Variants in TCAIM observed in about 807,000 individuals in gnomAD.
The protein encoded by TCAIM is T cell activation inhibitor, mitochondrial.
Under a neutral mutation model 58.6 loss-of-function variants are expected in TCAIM, and 36 were observed. The observed-to-expected ratio is 0.61, with a 90% confidence interval of 0.47 to 0.81. TCAIM has a LOEUF of 0.81. Ranked by LOEUF, TCAIM falls within the 30% of genes least tolerant of loss-of-function variation. TCAIM has a pLI of 0.00. For missense variants in TCAIM, 466 were observed against 579.6 expected (o/e 0.80, Z 2.01); for synonymous variants, 172 against 193.6 (o/e 0.89, Z 0.93).
At chr3:44,338,765 C>T (rs1009725812), upstream of TCAIM, 5 of 152,316 alleles carry the variant, frequency 3.3e-5, no homozygotes, top group Admixed American at 1.3e-4. Context: ...GACTGTCCTC[C>T]CTTCTGGTGT....
intron 5 of TCAIM, among the ~76,000 whole-genome samples, chr3:44,370,830 C>T (rs1320720282): frequency 6.7e-6 from 1 of 150,282 alleles, no homozygotes; most frequent in Non-Finnish European, 1.5e-5. Context: ...CAGCCTCAAA[C>T]TCCTGGGCTC....
intron 5 of TCAIM, among the ~76,000 whole-genome samples, chr3:44,384,134 C>G (rs75284635): frequency 2.6e-5 from 4 of 152,118 alleles, no homozygotes; most frequent in Admixed American, 6.5e-5. Flanking sequence ...GGACTTCTCA[C>G]CCTTGAAAAC....
At chr3:44,357,311 A>C (rs1212209198) in intron 2 of TCAIM, among the ~76,000 whole-genome samples, 2 of 152,064 alleles carry the variant, frequency 1.3e-5, no homozygotes, top group African/African-American at 4.8e-5. Context: ...ACACCGCTGC[A>C]CTCCAGCCTG....
rs778246786 is a variant in TCAIM, at chr3:44,367,485, A to G, written c.349A>G (p.Thr117Ala). The G allele has an allele frequency of 1.2e-6, 2 of 1,613,070 alleles. No individual in the cohort carries two copies. Among genetic ancestry groups the G allele is most frequent in the Non-Finnish European group, 1.7e-6 (2 of 1,179,266 alleles). ...TCGAGCAGTCAAATTTACTTTGCAC[A>G]CCAGAGATCTGCTAAGCACAGTGTT... ...GFRAVKFTLH[T>A]RDLLSTVLYI... is the part of the protein sequence containing the mutation. The change falls in exon 5 of 11, where the codon ACC becomes GCC. Residue 117 changes from threonine to alanine, a missense_variant. Coordinates refer to ENST00000342649, the MANE Select transcript of TCAIM (RefSeq NM_173826.4).
intron 5 of TCAIM, among the ~76,000 whole-genome samples, chr3:44,369,689 T>G (rs1220985929): frequency 6.6e-6 from 1 of 152,238 alleles, no homozygotes; most frequent in Non-Finnish European, 1.5e-5. Context: ...TTCCTTAGTC[T>G]TTAGTAAAAG....
At chr3:44,406,809 A>C (rs1702108643) in intron 10 of TCAIM, among the ~76,000 whole-genome samples, 2 of 152,176 alleles carry the variant, frequency 1.3e-5, no homozygotes, top group Non-Finnish European at 2.9e-5. Flanking sequence ...TTATCAAAAC[A>C]CTGTATCCCT....
At chr3:44,371,117 G>A (rs1195885548) in intron 5 of TCAIM, among the ~76,000 whole-genome samples, 1 of 151,684 alleles carries the variant, frequency 6.6e-6, no homozygotes, top group African/African-American at 2.4e-5. Flanking sequence ...TCACCATGTT[G>A]GCTAGACTGG....
chr3:44,394,620 GTA>G (rs1450481081), intron 6 of TCAIM, among the ~76,000 whole-genome samples: 1 of 151,734 alleles, frequency 6.6e-6, no homozygotes, highest in Non-Finnish European at 1.5e-5. Context: ...ACCCGGCCGG[GTA>G]TGGTGGCTCA....
intron 1 of TCAIM, chr3:44,341,213 A>C (rs1417867416): frequency 6.6e-6 from 1 of 152,126 alleles, no homozygotes; most frequent in African/African-American, 2.4e-5. Context: ...TTTCTCCCCT[A>C]TTGCTCTCTC....
In TCAIM at chr3:44,372,566, C is replaced by T. The variant is rs180695006; in HGVS notation, c.572+4858C>T. ...ATCTGATCTCTTGATTTACAAATTACATTCATTGGATCAAAACTTTCTTTT... is the reference window on the plus strand; with the variant it reads ...ATCTGATCTCTTGATTTACAAATTATATTCATTGGATCAAAACTTTCTTTT... On this transcript the variant is annotated intron_variant, in intron 5 of 10. Transcript: ENST00000342649. Among the ~76,000 whole-genome samples the T allele has an allele frequency of 2.7e-3, 409 of 151,620 alleles. 1 individual carries two copies. The highest frequency in any genetic ancestry group is 4.7e-3 in the Non-Finnish European group (319 of 67,906).
chr3:44,378,894 C>T (rs981078854), intron 5 of TCAIM, among the ~76,000 whole-genome samples: 8 of 151,942 alleles, frequency 5.3e-5, no homozygotes, highest in Non-Finnish European at 1.2e-4. Flanking sequence ...CACAGTTGCT[C>T]ACACCTGTAA....
chr3:44,350,077 A>G lies in TCAIM; in HGVS notation c.-44-4662A>G, dbSNP rs142585983. Among the ~76,000 whole-genome samples, 1,348 of 152,290 alleles carry G rather than the reference A, an allele frequency of 8.9e-3. 19 individuals carry two copies. Among genetic ancestry groups the G allele is most frequent in the African/African-American group, 0.031 (1,301 of 41,552 alleles). ...CCACCAAACAGGCTTTGTGTGGGCA[A>G]TAAAGCTTTTTAATCACCTGGGTGC... On this transcript the variant is annotated intron_variant, in intron 1 of 10. Coordinates refer to ENST00000342649, the MANE Select transcript of TCAIM (RefSeq NM_173826.4).
intron 5 of TCAIM, among the ~76,000 whole-genome samples, chr3:44,368,192 T>C (rs1701411897): frequency 1.3e-5 from 2 of 152,250 alleles, no homozygotes; most frequent in African/African-American, 4.8e-5. Flanking sequence ...GAATAGCTGC[T>C]TTAAAGAGTT....
chr3:44,405,183 G>A (rs1043705377), intron 10 of TCAIM, among the ~76,000 whole-genome samples: 1 of 152,144 alleles, frequency 6.6e-6, no homozygotes, highest in Non-Finnish European at 1.5e-5. Flanking sequence ...AGAGTAACCT[G>A]CACCTGAGAA....
intron 5 of TCAIM, among the ~76,000 whole-genome samples, chr3:44,373,578 CG>C (rs1232550215): frequency 7.2e-5 from 11 of 151,812 alleles, no homozygotes; most frequent in Non-Finnish European, 1.2e-4. Flanking sequence ...TGCTTGAACC[CG>C]GGAGGCAGAG....
At chr3:44,365,320 A>G (rs979411479) in intron 4 of TCAIM, among the ~76,000 whole-genome samples, 1 of 151,858 alleles carries the variant, frequency 6.6e-6, no homozygotes, top group Non-Finnish European at 1.5e-5. Flanking sequence ...GGTGTCTGTC[A>G]TCAGTTGCAA....
intron 1 of TCAIM, among the ~76,000 whole-genome samples, chr3:44,344,647 G>A (rs1700927314): frequency 6.6e-6 from 1 of 151,996 alleles, no homozygotes; most frequent in South Asian, 2.1e-4. Context: ...GGGCACTAAT[G>A]ACCTTATTAC....
intron 7 of TCAIM, 94 bp downstream of exon 7, chr3:44,396,591 A>C: frequency 6.9e-7 from 1 of 1,446,038 alleles, no homozygotes; most frequent in Non-Finnish European, 9.4e-7. Flanking sequence ...ATCACAGCTG[A>C]ACTTTTAAAT....
At chr3:44,338,687 G>T (rs1356373438), upstream of TCAIM, 3 of 152,378 alleles carry the variant, frequency 2.0e-5, no homozygotes, top group African/African-American at 7.2e-5. Context: ...CTGGCCGTGC[G>T]TCGCGCGCTG....
Sources: gnomAD v4.1 joint callset for allele counts (sites outside exome capture counted in the v4.1 genomes callset) on GRCh38, gnomAD v4.1.1 for gene constraint, MANE v1.5 for transcripts, NCBI Gene and HGNC (gene_info 2026-07-23, HGNC 2026-07-21) for gene names.